AJAP1: variants seen among roughly 807,000 people sequenced by gnomAD.
The protein encoded by AJAP1 is adherens junctions associated protein 1.
A neutral mutation model predicts 35.0 loss-of-function variants in AJAP1; 5 were observed. The observed-to-expected ratio is 0.14, with a 90% CI of 0.07 to 0.30. The LOEUF (loss-of-function observed/expected upper bound fraction) is 0.30. Ranked by LOEUF, AJAP1 falls within the 10% of genes least tolerant of loss-of-function variation. AJAP1 has a pLI of 1.00. For synonymous variants in AJAP1, 284 were observed against 249.3 expected, an observed-to-expected ratio of 1.14 and a Z score of -1.31; for missense variants, 586 against 571.0, an observed-to-expected ratio of 1.03 and a Z score of -0.27.
intron 1 of AJAP1, among the ~76,000 whole-genome samples, chr1:4,697,453 A>T (rs1048413347): frequency 6.6e-6 from 1 of 152,238 alleles, no homozygotes; most frequent in South Asian, 2.1e-4. Context: ...TTGTGTTCAA[A>T]CAGAGGCTGG....
chr1:4,675,359 A>G (rs1289402004), intron 1 of AJAP1, among the ~76,000 whole-genome samples: 2 of 152,246 alleles, frequency 1.3e-5, no homozygotes, highest in Non-Finnish European at 2.9e-5. Flanking sequence ...GCCAGAAGGG[A>G]TCCACGCATG....
chr1:4,700,079 G>A (rs1639952032), intron 1 of AJAP1, among the ~76,000 whole-genome samples: 5 of 152,176 alleles, frequency 3.3e-5, no homozygotes, highest in Admixed American at 3.3e-4. Context: ...TTCCTGGCCT[G>A]GCAGCTCTGG....
At position 4,723,981 on chromosome 1, in the gene AJAP1, A is replaced by G. The variant is rs998833094; in HGVS notation, c.829+11282A>G. Among the ~76,000 whole-genome samples, 3 of 152,190 alleles carry G rather than the reference A, an allele frequency of 2.0e-5. No homozygotes were observed. The highest frequency in any genetic ancestry group is 7.2e-5 in the African/African-American group (3 of 41,440). ...GCTATAGAGACCTCAAGAGGTGTCC[A>G]AGAAAAGCCTGGTTTCCGAATTCTG... On this transcript the variant is annotated intron_variant, in intron 2 of 5. Transcript: ENST00000378191. The surrounding 1 kb of genome is among the most constrained non-coding windows in gnomAD (Gnocchi z 4.3).
intron 1 of AJAP1, among the ~76,000 whole-genome samples, chr1:4,711,562 C>T (rs1640235556): frequency 1.3e-5 from 2 of 152,198 alleles, no homozygotes; most frequent in Non-Finnish European, 2.9e-5. Context: ...CTTGTCGAGG[C>T]TGCCCTGAAA....
At chr1:4,741,864 CT>C (rs1198348044) in intron 2 of AJAP1, among the ~76,000 whole-genome samples, 29 of 152,362 alleles carry the variant, frequency 1.9e-4, no homozygotes, top group African/African-American at 6.0e-4. Flanking sequence ...TGATGGGCAC[CT>C]GTCTAAAAGA....
rs1642183138 is a variant in AJAP1, at chr1:4,787,761, T to A, written c.*5276T>A. ...CCAGGTCTCAAGGAGGATAAGGGGG[T>A]TCAACGTCAGCGACTTGGCCCACGG... On this transcript the variant is annotated 3_prime_UTR_variant, in exon 6 of 6. Transcript: ENST00000378191. The A allele has an allele frequency of 4.4e-6, 2 of 454,218 alleles. No individual in the cohort carries two copies. 28.1% of individuals were successfully genotyped at this position (454,218 alleles called of 1,614,324 possible).
intron 2 of AJAP1, among the ~76,000 whole-genome samples, chr1:4,736,767 C>G (rs770264003): frequency 1.1e-4 from 17 of 152,088 alleles, no homozygotes; most frequent in Non-Finnish European, 2.2e-4. Flanking sequence ...TAGCTCAAAC[C>G]CCTAGTTATC....
chr1:4,743,526 A>G (rs540299), intron 2 of AJAP1, among the ~76,000 whole-genome samples: 99,142 of 152,052 alleles, frequency 0.65, 33,211 homozygotes, highest in Non-Finnish European at 0.69. Context: ...GTTAATGCGT[A>G]TGTGTCCGCG....
At chr1:4,666,964 GCA>G (rs1639142166) in intron 1 of AJAP1, among the ~76,000 whole-genome samples, 2 of 149,410 alleles carry the variant, frequency 1.3e-5, no homozygotes, top group Admixed American at 6.6e-5. Context: ...CGGAGGGGTT[GCA>G]GAGAGGAGCC....
At chr1:4,673,234 C>T (rs1380311140) in intron 1 of AJAP1, among the ~76,000 whole-genome samples, 1 of 152,158 alleles carries the variant, frequency 6.6e-6, no homozygotes, top group Non-Finnish European at 1.5e-5. Flanking sequence ...GGGGTGTTTA[C>T]ACTCCTGTGT....
Position 4,675,854 on chromosome 1 carries a change from T to G in AJAP1, c.29+20400T>G, listed in dbSNP as rs1029941240. ...GCCCTGAAGATGGTGTGGGCGGAAA[T>G]TTTAGGAGAGAAGATGGATGGTGAG... On this transcript the variant is annotated intron_variant, in intron 1 of 5. Coordinates refer to ENST00000378191, the MANE Select transcript of AJAP1 (RefSeq NM_018836.4). Among the ~76,000 whole-genome samples, 4 of 152,290 alleles carry G rather than the reference T, an allele frequency of 2.6e-5. No homozygotes were observed. The East Asian group carries it at 7.7e-4, about 29-fold the overall frequency.
chr1:4,679,716 A>G (rs767684265), intron 1 of AJAP1, among the ~76,000 whole-genome samples: 5 of 152,132 alleles, frequency 3.3e-5, no homozygotes, highest in African/African-American at 1.2e-4. Flanking sequence ...TCCACTTCAC[A>G]TGGCCTTCTC....
intron 2 of AJAP1, among the ~76,000 whole-genome samples, chr1:4,747,804 A>G (rs1641224232): frequency 6.6e-6 from 1 of 152,058 alleles, no homozygotes; most frequent in Non-Finnish European, 1.5e-5. Context: ...CCTGGTCAAC[A>G]TGGCGAAACC....
intron 1 of AJAP1, among the ~76,000 whole-genome samples, chr1:4,671,480 C>T (rs1350241932): frequency 6.6e-6 from 1 of 152,116 alleles, no homozygotes; most frequent in Non-Finnish European, 1.5e-5. Flanking sequence ...ACTTAGAGCC[C>T]AGGGCCCTGT....
chr1:4,732,791 A>C (rs965511430), intron 2 of AJAP1, among the ~76,000 whole-genome samples: 1 of 152,254 alleles, frequency 6.6e-6, no homozygotes, highest in East Asian at 1.9e-4. Flanking sequence ...ACCAGGCCTC[A>C]GTCAGTTCTC....
At chr1:4,680,532 C>T (rs1285034580) in intron 1 of AJAP1, among the ~76,000 whole-genome samples, 3 of 152,162 alleles carry the variant, frequency 2.0e-5, no homozygotes, top group African/African-American at 7.2e-5. Flanking sequence ...GGCTTTCTTT[C>T]TTTTCTACCC....
rs1639786602 is a variant in AJAP1 at position 4,693,318 on chromosome 1, A to G, written c.30-18582A>G. 7.1e-6 allele frequency among the ~76,000 whole-genome samples: 1 copy of G among 140,196 alleles called. No individual in the cohort carries two copies. The highest frequency in any genetic ancestry group is 2.4e-4 in the East Asian group (1 of 4,224). The allele number at this position is 140,196 out of a possible 152,430, so 92.0% of individuals were successfully genotyped here. A position where few individuals can be genotyped will look rare whatever the true frequency, so the allele number is the denominator to read the frequency against. ...CAGGGGCATGTGCTGATGGAGAGGG[A>G]CTCTCGGCTTCGGAGGGAAGAACCC... On this transcript the variant is annotated intron_variant, in intron 1 of 5. Coordinates refer to ENST00000378191, the MANE Select transcript of AJAP1 (RefSeq NM_018836.4). This position sits in a 1 kb window ranked among gnomAD's most constrained non-coding sequence, Gnocchi z 4.4.
intron 2 of AJAP1, among the ~76,000 whole-genome samples, chr1:4,746,612 A>C (rs961303062): frequency 6.6e-6 from 1 of 152,198 alleles, no homozygotes; most frequent in African/African-American, 2.4e-5. Flanking sequence ...GTGCCTTCTA[A>C]GGCTAATTTT....
In AJAP1 at chr1:4,784,718, T is replaced by C. The variant is rs540186109; in HGVS notation, c.*2233T>C. 2 of 152,374 alleles carry C rather than the reference T, an allele frequency of 1.3e-5. No individual in the cohort carries two copies. Among genetic ancestry groups the C allele is most frequent in the Admixed American group, 1.3e-4 (2 of 15,304 alleles). 9.4% of individuals were successfully genotyped at this position (152,374 alleles called of 1,614,324 possible). Reference sequence around the variant, plus strand: ...TCTTTAGTTTTTGTTCTGTCATTTATTTTCCCCCCAAGCTTTGGCACATCC... The same window carrying C: ...TCTTTAGTTTTTGTTCTGTCATTTACTTTCCCCCCAAGCTTTGGCACATCC... On this transcript the variant is annotated 3_prime_UTR_variant, in exon 6 of 6. Coordinates refer to ENST00000378191, the MANE Select transcript of AJAP1 (RefSeq NM_018836.4).
Sources: allele counts gnomAD v4.1 joint callset (sites outside exome capture counted in the v4.1 genomes callset), GRCh38; gene constraint gnomAD v4.1.1; non-coding constraint Gnocchi (gnomAD v3.1); transcripts MANE v1.5; gene names NCBI Gene and HGNC (gene_info 2026-07-23, HGNC 2026-07-21).